The following TMEM219 variants were observed in gnomAD, a reference collection of about 807,000 sequenced individuals.
TMEM219 encodes transmembrane protein 219, also known as insulin-like growth factor-binding protein 3 receptor.
TMEM219 carries 18 observed loss-of-function variants against 17.9 expected under a neutral mutation model. The ratio of observed to expected loss-of-function variants is 1.01; its 90% CI spans 0.70 to 1.49. TMEM219 has a LOEUF of 1.49. Ranked by LOEUF, TMEM219 falls within the 40% of genes most tolerant of loss-of-function variation. The pLI, the probability that TMEM219 is intolerant of heterozygous loss-of-function variation, is 0.00. For missense variants in TMEM219, 288 were observed against 292.4 expected (o/e 0.99, Z 0.11); for synonymous variants, 113 against 124.0 (o/e 0.91, Z 0.59).
intron 4 of TMEM219, 43 bp downstream of exon 4, chr16:29,968,297 GCTGACTA>G: frequency 6.7e-7 from 1 of 1,497,894 alleles, no homozygotes; most frequent in South Asian, 1.1e-5. Flanking sequence ...TAGACTGCCT[GCTGACTA>G]CTGTATCTTG....
At chr16:29,970,615 C>T (rs938151542) in intron 4 of TMEM219, among the ~76,000 whole-genome samples, 1 of 152,092 alleles carries the variant, frequency 6.6e-6, no homozygotes, top group Non-Finnish European at 1.5e-5. Flanking sequence ...TGAGCCACCG[C>T]ACCCAGCCAC....
At chr16:29,964,486 C>T (rs922090417) in intron 3 of TMEM219, among the ~76,000 whole-genome samples, 12 of 151,112 alleles carry the variant, frequency 7.9e-5, no homozygotes, top group African/African-American at 2.9e-4. Flanking sequence ...CCGTCTCAAA[C>T]AAACAAACAA....
rs537326194 is a variant in TMEM219, at chr16:29,965,859, C to G, written c.356-2166C>G. Reference sequence around the variant, plus strand: ...TCAGGAGATTCTCCTGCCTCAGTCTCCCAAGTAGCTGGGATTACAGGCATG... The same window carrying G: ...TCAGGAGATTCTCCTGCCTCAGTCTGCCAAGTAGCTGGGATTACAGGCATG... On this transcript the variant is annotated intron_variant, in intron 3 of 5. Transcript: ENST00000279396. Among the ~76,000 whole-genome samples the G allele has an allele frequency of 2.6e-5, 4 of 152,302 alleles. No homozygotes were observed. The East Asian group carries it at 7.7e-4, about 29-fold the overall frequency.
At chr16:29,972,701 G>A (rs1567232829) in intron 5 of TMEM219, among the ~76,000 whole-genome samples, 1 of 152,192 alleles carries the variant, frequency 6.6e-6, no homozygotes, top group Non-Finnish European at 1.5e-5. Flanking sequence ...TGATGGCTGG[G>A]CCTAAATGCC....
Position 29,971,540 on chromosome 16 carries a change from C to G in TMEM219, c.718C>G (p.Leu240Val). The G allele has an allele frequency of 1.2e-6, 2 of 1,611,864 alleles. No homozygotes were observed. The highest frequency in any genetic ancestry group is 2.7e-5 in the African/African-American group (2 of 74,752). The change falls in exon 5 of 6, where the codon CTC (leucine) becomes GTC (valine). Residue 240 changes from leucine (L) to valine (V), a missense_variant. Leu to Val is a conservative substitution (Grantham distance 32). Coordinates refer to ENST00000279396, the MANE Select transcript of TMEM219 (RefSeq NM_001083613.2). ...GGAGTCCCACTGGTCTAGAACCCGGCTCTGAGGGCACTGGCCTAGTTCCCG... is the reference window on the plus strand; with the variant it reads ...GGAGTCCCACTGGTCTAGAACCCGGGTCTGAGGGCACTGGCCTAGTTCCCG... ...RRESHWSRTR[L>V]
chr16:29,969,498 C>A (rs1354748821), intron 4 of TMEM219, among the ~76,000 whole-genome samples: 1 of 151,792 alleles, frequency 6.6e-6, no homozygotes. Flanking sequence ...CCTGGCGACC[C>A]CATTTCTTAA....
chr16:29,967,655 C>T (rs552818117), intron 3 of TMEM219, among the ~76,000 whole-genome samples: 4 of 152,202 alleles, frequency 2.6e-5, no homozygotes, highest in Non-Finnish European at 4.4e-5. Flanking sequence ...GGGCCGGGCA[C>T]GGTGGCTCAC....
intron 4 of TMEM219, among the ~76,000 whole-genome samples, chr16:29,969,743 G>A (rs535822253): frequency 6.6e-6 from 1 of 152,252 alleles, no homozygotes; most frequent in East Asian, 1.9e-4. Context: ...GCTTAGGAAG[G>A]AGAAAAGGCA....
Position 29,971,695 on chromosome 16 carries a change from G to A in TMEM219, c.*33+117G>A, listed in dbSNP as rs77861951. ...CAAAGACTGCTGCTTCTGAGTCCCCGAGAACCTCTTCAACCACAGCTCTCC... is the reference window on the plus strand; with the variant it reads ...CAAAGACTGCTGCTTCTGAGTCCCCAAGAACCTCTTCAACCACAGCTCTCC... On this transcript the variant is annotated intron_variant, in intron 5 of 5. Transcript: ENST00000279396. 7.5e-3 allele frequency: 7,513 copies of A among 1,007,710 alleles called. 395 individuals carry two copies. The African/African-American group carries it at 0.11, about 15-fold the overall frequency. The allele number at this position is 1,007,710 out of a possible 1,614,324, so 62.4% of individuals were successfully genotyped here. A position where few individuals can be genotyped will look rare whatever the true frequency, so the allele number is the denominator to read the frequency against.
chr16:29,967,796 G>A (rs972886818), intron 3 of TMEM219, among the ~76,000 whole-genome samples: 1 of 151,980 alleles, frequency 6.6e-6, no homozygotes, highest in African/African-American at 2.4e-5. Context: ...GCCTGGTGGT[G>A]GGCACCTGTA....
At chr16:29,972,139 T>G (rs1320136714) in intron 5 of TMEM219, 1 of 152,518 alleles carries the variant, frequency 6.6e-6, no homozygotes, top group Non-Finnish European at 1.5e-5. Flanking sequence ...TGGGTAACAA[T>G]GGTGAGTTAA....
At chr16:29,969,168 T>C (rs1567231446) in intron 4 of TMEM219, among the ~76,000 whole-genome samples, 1 of 150,920 alleles carries the variant, frequency 6.6e-6, no homozygotes, top group Admixed American at 6.6e-5. Flanking sequence ...CTGGAGAACA[T>C]AGCAAGACCT....
At position 29,963,504 on chromosome 16, in the gene TMEM219, C is replaced by T; in HGVS notation, c.270C>T (p.Thr90=). The change falls in exon 3 of 6, where the codon ACC becomes ACT. Residue 90 remains threonine (T), a synonymous_variant. Coordinates refer to ENST00000279396, the MANE Select transcript of TMEM219 (RefSeq NM_001083613.2). ...WRGSHVVGLL[T]TLNFGDGPDR... Reference sequence around the variant, plus strand: ...GGTCTCACGTCGTGGGCTTGCTGACCACCTTGAACTTCGGAGACGGTCCAG... The same window carrying T: ...GGTCTCACGTCGTGGGCTTGCTGACTACCTTGAACTTCGGAGACGGTCCAG... 6.2e-7 allele frequency: 1 copy of T among 1,614,196 alleles called. No individual in the cohort carries two copies. The highest frequency in any genetic ancestry group is 8.5e-7 in the Non-Finnish European group (1 of 1,180,042).
chr16:29,963,324 C>G lies in TMEM219; in HGVS notation c.165+16C>G. The G allele has an allele frequency of 6.2e-7, 1 of 1,613,848 alleles. No homozygotes were observed. Among genetic ancestry groups the G allele is most frequent in the South Asian group, 1.1e-5 (1 of 91,080 alleles). ...CATCCCCCAGGTAAGTTCCCCACCC[C>G]CGTACCCGCTCTTCCTTCCAACCTA... On this transcript the variant is annotated intron_variant, in intron 2 of 5. Coordinates refer to ENST00000279396, the MANE Select transcript of TMEM219 (RefSeq NM_001083613.2).
chr16:29,970,813 A>G (rs1194510744), intron 4 of TMEM219, among the ~76,000 whole-genome samples: 2 of 151,724 alleles, frequency 1.3e-5, no homozygotes, highest in Non-Finnish European at 2.9e-5. Flanking sequence ...GCGTGGTGGC[A>G]CACACCTGTG....
intron 5 of TMEM219, chr16:29,972,006 T>C (rs1194058211): frequency 2.6e-5 from 4 of 154,890 alleles, no homozygotes; most frequent in Middle Eastern, 6.8e-3. Flanking sequence ...TCCTAAATAA[T>C]ATAGTTTGGT....
rs1488596208 is a variant in TMEM219, at chr16:29,963,435, G to A, written c.201G>A (p.Leu67=). ...CTTTTTTGAGATCTTTTGGCCAGCTGACCCTGTGTCCCAGGAATGGGACAG... is the reference window on the plus strand; with the variant it reads ...CTTTTTTGAGATCTTTTGGCCAGCTAACCCTGTGTCCCAGGAATGGGACAG... ...WVSFLRSFGQ[L]TLCPRNGTVT... The change falls in exon 3 of 6, where the codon CTG becomes CTA. Residue 67 remains leucine, a synonymous_variant. Coordinates refer to ENST00000279396, the MANE Select transcript of TMEM219 (RefSeq NM_001083613.2). 6.2e-7 allele frequency: 1 copy of A among 1,614,080 alleles called. No individual in the cohort carries two copies. Among genetic ancestry groups the A allele is most frequent in the Non-Finnish European group, 8.5e-7 (1 of 1,180,042 alleles).
Position 29,963,127 on chromosome 16 carries a change from A to T in TMEM219, c.-17A>T. The T allele has an allele frequency of 6.2e-7, 1 of 1,608,704 alleles. No individual in the cohort carries two copies. The highest frequency in any genetic ancestry group is 8.5e-7 in the Non-Finnish European group (1 of 1,179,516). ...TCCAGCAGGCTCTCCCCGGAGGCTC[A>T]GCCCCCTCTGCTCCCCATGGGCAAC... is the stretch of plus-strand genomic sequence containing the variant. On this transcript the variant is annotated 5_prime_UTR_variant, in exon 2 of 6. Coordinates refer to ENST00000279396, the MANE Select transcript of TMEM219 (RefSeq NM_001083613.2).
intron 3 of TMEM219, among the ~76,000 whole-genome samples, chr16:29,965,735 C>T (rs928005161): frequency 1.3e-5 from 2 of 151,936 alleles, no homozygotes; most frequent in African/African-American, 4.8e-5. Flanking sequence ...CCATCACGCT[C>T]ACCTAATTCC....
Sources: allele counts gnomAD v4.1 joint callset (sites outside exome capture counted in the v4.1 genomes callset), GRCh38; gene constraint gnomAD v4.1.1; transcripts MANE v1.5; gene names NCBI Gene and HGNC (gene_info 2026-07-23, HGNC 2026-07-21).